Variants in GNG4 observed in about 807,000 individuals in gnomAD.
The protein encoded by GNG4 is G protein subunit gamma 4.
Under a neutral mutation model 5.8 loss-of-function variants are expected in GNG4, and 4 were observed. The ratio of observed to expected loss-of-function variants is 0.69; its 90% CI spans 0.34 to 1.57. The LOEUF (loss-of-function observed/expected upper bound fraction) is 1.57, where lower values mean the gene tolerates loss of function less well. Ranked by LOEUF, GNG4 falls within the 40% of genes most tolerant of loss-of-function variation. The probability of loss-of-function intolerance (pLI) is 0.06; values close to 1 mark genes in which losing one functional copy is unlikely to be tolerated. For missense variants in GNG4, 96 were observed against 95.1 expected, an observed-to-expected ratio of 1.01 and a Z score of -0.04; for synonymous variants, 29 against 32.9, an observed-to-expected ratio of 0.88 and a Z score of 0.41.
chr1:235,583,693 T>C, intron 3 of GNG4, 47 bp downstream of exon 3: 2 of 1,248,688 alleles, frequency 1.6e-6, no homozygotes, highest in Non-Finnish European at 2.3e-6. Flanking sequence ...AGGAATGTTT[T>C]GAGCTGAGCT....
intron 1 of GNG4, among the ~76,000 whole-genome samples, chr1:235,632,403 G>T (rs1688949855): frequency 6.6e-6 from 1 of 152,108 alleles, no homozygotes; most frequent in Non-Finnish European, 1.5e-5. Flanking sequence ...TTTCTCATCT[G>T]TGTGCAAAGA....
chr1:235,616,884 A>C (rs1466556994), intron 1 of GNG4, among the ~76,000 whole-genome samples: 1 of 146,186 alleles, frequency 6.8e-6, no homozygotes, highest in Non-Finnish European at 1.5e-5. Flanking sequence ...GATTACAGGC[A>C]CCCACAAACA....
At chr1:235,568,203 C>T (rs1206117078) in intron 3 of GNG4, among the ~76,000 whole-genome samples, 2 of 151,456 alleles carry the variant, frequency 1.3e-5, no homozygotes, top group Non-Finnish European at 2.9e-5. Flanking sequence ...TCCTTTAGCA[C>T]TCATGATCCC....
At chr1:235,641,551 C>T (rs1161178451) in intron 1 of GNG4, among the ~76,000 whole-genome samples, 1 of 152,128 alleles carries the variant, frequency 6.6e-6, no homozygotes, top group Non-Finnish European at 1.5e-5. Context: ...AATTAGCTGG[C>T]GTGGTGGCGG....
At chr1:235,628,626 C>T (rs946220535) in intron 1 of GNG4, among the ~76,000 whole-genome samples, 1 of 152,172 alleles carries the variant, frequency 6.6e-6, no homozygotes, top group African/African-American at 2.4e-5. Flanking sequence ...TCTGGGGAAA[C>T]ACTGAGGCAA....
chr1:235,572,020 G>C (rs1184230017), intron 3 of GNG4, among the ~76,000 whole-genome samples: 3 of 151,626 alleles, frequency 2.0e-5, no homozygotes, highest in African/African-American at 7.3e-5. Context: ...ATTTTTAGTA[G>C]AGACAGGATC....
At chr1:235,631,891 G>A (rs138111409) in intron 1 of GNG4, among the ~76,000 whole-genome samples, 1 of 152,074 alleles carries the variant, frequency 6.6e-6, no homozygotes, top group East Asian at 1.9e-4. Flanking sequence ...TCCTATGAGT[G>A]GCAATACGTG....
intron 3 of GNG4, among the ~76,000 whole-genome samples, chr1:235,560,829 A>T (rs183368195): frequency 6.6e-6 from 1 of 152,302 alleles, no homozygotes; most frequent in East Asian, 1.9e-4. Flanking sequence ...AGAACTGCTC[A>T]TCCTAATAAC....
At chr1:235,557,001 A>C (rs184247425) in intron 3 of GNG4, among the ~76,000 whole-genome samples, 3 of 152,216 alleles carry the variant, frequency 2.0e-5, no homozygotes, top group Admixed American at 2.0e-4. Flanking sequence ...GGCAGAGCTC[A>C]AGCGGTAATG....
intron 1 of GNG4, among the ~76,000 whole-genome samples, chr1:235,617,715 T>C (rs1307726227): frequency 6.6e-6 from 1 of 151,850 alleles, no homozygotes; most frequent in Non-Finnish European, 1.5e-5. Flanking sequence ...TGAAACCCCA[T>C]CTCTACTAAA....
intron 1 of GNG4, among the ~76,000 whole-genome samples, chr1:235,634,234 G>A (rs937548957): frequency 1.3e-5 from 2 of 152,182 alleles, no homozygotes; most frequent in East Asian, 1.9e-4. Context: ...AGTGGCACGG[G>A]CAGTAAAAAG....
At chr1:235,596,277 C>T (rs935144258) in intron 1 of GNG4, among the ~76,000 whole-genome samples, 11 of 151,006 alleles carry the variant, frequency 7.3e-5, no homozygotes, top group Non-Finnish European at 1.3e-4. Context: ...GGGGCTTATG[C>T]CTGTAATCCC....
rs1220174392 is a variant in GNG4, at chr1:235,648,636, G to C, written c.-123+1026C>G. Among the ~76,000 whole-genome samples the C allele has an allele frequency of 6.6e-6, 1 of 152,230 alleles. No individual in the cohort carries two copies. Among genetic ancestry groups the C allele is most frequent in the Non-Finnish European group, 1.5e-5 (1 of 68,042 alleles). ...AAATTTCCTGTCCACTGTGGGAAGC[G>C]GCACACCTCACTCATGAGCAGACGA... On this transcript the variant is annotated intron_variant, in intron 1 of 3. Transcript: ENST00000391854. This position sits in a 1 kb window ranked among gnomAD's most constrained non-coding sequence, Gnocchi z 5.0.
At chr1:235,594,148 T>G (rs1216279748) in intron 2 of GNG4, among the ~76,000 whole-genome samples, 1 of 152,026 alleles carries the variant, frequency 6.6e-6, no homozygotes, top group Non-Finnish European at 1.5e-5. Flanking sequence ...ATACAGAGTG[T>G]CCACACAAAG....
At chr1:235,558,871 T>C (rs574297704) in intron 3 of GNG4, among the ~76,000 whole-genome samples, 1 of 152,326 alleles carries the variant, frequency 6.6e-6, no homozygotes, top group African/African-American at 2.4e-5. Flanking sequence ...TTGAAAAGAA[T>C]TGGTAGCTTG....
At chr1:235,628,235 CAA>C in intron 1 of GNG4, among the ~76,000 whole-genome samples, 1 of 152,156 alleles carries the variant, frequency 6.6e-6, no homozygotes, top group South Asian at 2.1e-4. Flanking sequence ...AGACATGGCC[CAA>C]GAGTCTTTCT....
chr1:235,568,149 A>G (rs559664489), intron 3 of GNG4, among the ~76,000 whole-genome samples: 1 of 109,592 alleles, frequency 9.1e-6, no homozygotes. Flanking sequence ...TCCTTCTAAT[A>G]AATCTGCTTT....
intron 1 of GNG4, among the ~76,000 whole-genome samples, chr1:235,637,724 G>C (rs1657169825): frequency 1.3e-5 from 2 of 152,072 alleles, no homozygotes; most frequent in Admixed American, 1.3e-4. Context: ...TTTGAACATA[G>C]GAGAATTTTC....
At chr1:235,603,885 G>A (rs771777137) in intron 1 of GNG4, among the ~76,000 whole-genome samples, 10 of 152,102 alleles carry the variant, frequency 6.6e-5, no homozygotes, top group Non-Finnish European at 1.2e-4. Flanking sequence ...GCAGACCAGC[G>A]GTTATACTTA....
Sources: allele counts gnomAD v4.1 joint callset (sites outside exome capture counted in the v4.1 genomes callset), GRCh38; gene constraint gnomAD v4.1.1; non-coding constraint Gnocchi (gnomAD v3.1); transcripts MANE v1.5; gene names NCBI Gene and HGNC (gene_info 2026-07-23, HGNC 2026-07-21).